Variants in INVS observed in about 807,000 individuals in gnomAD.
INVS encodes inversin.
Under a neutral mutation model 108.8 loss-of-function variants are expected in INVS, and 86 were observed. That is an observed-to-expected ratio of 0.79 (90% CI 0.66 to 0.95). The LOEUF (loss-of-function observed/expected upper bound fraction) is 0.95, where lower values mean the gene tolerates loss of function less well. INVS is among the 40% of genes least tolerant of loss of function. INVS has a pLI of 0.00. For missense variants in INVS, 1,169 were observed against 1,297.4 expected, an observed-to-expected ratio of 0.90 and a Z score of 1.52; for synonymous variants, 455 against 473.5, an observed-to-expected ratio of 0.96 and a Z score of 0.51.
At chr9:100,280,278 A>G (rs1449361096) in intron 12 of INVS, among the ~76,000 whole-genome samples, 3 of 152,144 alleles carry the variant, frequency 2.0e-5, no homozygotes, top group Non-Finnish European at 2.9e-5. Flanking sequence ...CCCCAGTCCC[A>G]TCAGCTGATA....
intron 16 of INVS, 44 bp downstream of exon 16, chr9:100,298,054 G>A: frequency 6.2e-7 from 1 of 1,613,918 alleles, no homozygotes; most frequent in Non-Finnish European, 8.5e-7. Flanking sequence ...AGAACATGGG[G>A]AAGCATTTTC....
chr9:100,123,736 A>AT (rs1487225533), intron 2 of INVS, among the ~76,000 whole-genome samples: 1 of 152,160 alleles, frequency 6.6e-6, no homozygotes, highest in Non-Finnish European at 1.5e-5. Context: ...GTATATGAGG[A>AT]TTTTGATTTC....
At position 100,292,624 on chromosome 9, in the gene INVS, C is replaced by A. The variant is rs761619797; in HGVS notation, c.2367C>A (p.Ala789=). The A allele has an allele frequency of 3.7e-6, 6 of 1,614,026 alleles. No homozygotes were observed. The African/African-American group carries it at 6.7e-5, about 18-fold the overall frequency. The change falls in exon 14 of 17, where the codon GCC becomes GCA. Residue 789 remains alanine (A), a synonymous_variant. Coordinates refer to ENST00000262457, the MANE Select transcript of INVS (RefSeq NM_014425.5). ...RHDTEPKAKC[A]PQKRRTQELR... is the part of the protein sequence containing the mutation. ...ACACAGAACCCAAGGCCAAATGTGCCCCCCAGAAAAGGCGCACTCAAGAGC... is the reference window on the plus strand; with the variant it reads ...ACACAGAACCCAAGGCCAAATGTGCACCCCAGAAAAGGCGCACTCAAGAGC...
At chr9:100,163,186 A>ATTTTT (rs556149756) in intron 3 of INVS, among the ~76,000 whole-genome samples, 3 of 131,826 alleles carry the variant, frequency 2.3e-5, no homozygotes, top group Non-Finnish European at 3.2e-5. Context: ...TGTTCTTTCT[A>ATTTTT]TTTTTTTTTT....
intron 10 of INVS, among the ~76,000 whole-genome samples, chr9:100,253,745 CATCT>C (rs1345317332): frequency 1.3e-5 from 2 of 152,132 alleles, no homozygotes; most frequent in Non-Finnish European, 2.9e-5. Flanking sequence ...GACATGAACT[CATCT>C]TTTTTTTGTG....
rs550014816 is a variant in INVS at position 100,161,980 on chromosome 9, A to G, written c.273+35431A>G. On this transcript the variant is annotated intron_variant, in intron 3 of 16. Coordinates refer to ENST00000262457, the MANE Select transcript of INVS (RefSeq NM_014425.5). ...AACTAAAACCTCCAGAGTAATAAACAGTTAGACTTCCTGCAAGGAGCATCT... is the reference window on the plus strand; with the variant it reads ...AACTAAAACCTCCAGAGTAATAAACGGTTAGACTTCCTGCAAGGAGCATCT... 2.5e-4 allele frequency among the ~76,000 whole-genome samples: 38 copies of G among 152,330 alleles called. No homozygotes were observed. The South Asian group carries it at 7.9e-3, about 32-fold the overall frequency.
intron 14 of INVS, among the ~76,000 whole-genome samples, chr9:100,294,071 G>A (rs1022782497): frequency 3.3e-5 from 5 of 152,194 alleles, no homozygotes; most frequent in African/African-American, 1.2e-4. Context: ...GTGAGGCTGA[G>A]GCAGGAGGAT....
intron 8 of INVS, among the ~76,000 whole-genome samples, chr9:100,249,418 A>T (rs974564808): frequency 6.6e-6 from 1 of 152,176 alleles, no homozygotes; most frequent in Admixed American, 6.5e-5. Context: ...TAAAAAATAA[A>T]ATTTCAATTA....
rs1005570477 is a variant in INVS, at chr9:100,300,730, A to C, written c.*56A>C. On this transcript the variant is annotated 3_prime_UTR_variant, in exon 17 of 17. Coordinates refer to ENST00000262457, the MANE Select transcript of INVS (RefSeq NM_014425.5). ...AGCTGGCATAGCTAGTGCAGAGTTCAGATTTTCTGCTGATAATCTTTTACA... is the reference window on the plus strand; with the variant it reads ...AGCTGGCATAGCTAGTGCAGAGTTCCGATTTTCTGCTGATAATCTTTTACA... 8.2e-7 allele frequency: 1 copy of C among 1,212,144 alleles called. No homozygotes were observed. Among genetic ancestry groups the C allele is most frequent in the South Asian group, 1.2e-5 (1 of 81,936 alleles). The allele number at this position is 1,212,144 out of a possible 1,614,324, so 75.1% of individuals were successfully genotyped here.
chr9:100,290,334 T>A (rs1588148868), intron 13 of INVS, among the ~76,000 whole-genome samples: 1 of 152,316 alleles, frequency 6.6e-6, no homozygotes, highest in South Asian at 2.1e-4. Context: ...CAGATATAGG[T>A]ATATTTTCTT....
rs150283278 is a variant in INVS, at chr9:100,203,941, C to G, written c.274-22121C>G. On this transcript the variant is annotated intron_variant, in intron 3 of 16. Transcript: ENST00000262457. ...TCTGAGAAGTTGCACAGTGAAGAAACCCATTAATTTTTTAAGTCCAAAATT... is the reference window on the plus strand; with the variant it reads ...TCTGAGAAGTTGCACAGTGAAGAAAGCCATTAATTTTTTAAGTCCAAAATT... Among the ~76,000 whole-genome samples the G allele has an allele frequency of 7.9e-5, 12 of 152,208 alleles. No homozygotes were observed. The East Asian group carries it at 2.3e-3, about 29-fold the overall frequency.
intron 10 of INVS, among the ~76,000 whole-genome samples, chr9:100,261,895 A>G (rs1236261147): frequency 6.6e-6 from 1 of 152,194 alleles, no homozygotes; most frequent in African/African-American, 2.4e-5. Context: ...ATTGAGTAAG[A>G]TGTTGCTATA....
chr9:100,263,854 A>G (rs898210740), intron 10 of INVS, among the ~76,000 whole-genome samples: 1 of 152,094 alleles, frequency 6.6e-6, no homozygotes, highest in Admixed American at 6.6e-5. Flanking sequence ...ATTTATATAT[A>G]TATCACTTAG....
At chr9:100,156,759 T>A (rs1828999923) in intron 3 of INVS, among the ~76,000 whole-genome samples, 1 of 152,126 alleles carries the variant, frequency 6.6e-6, no homozygotes, top group African/African-American at 2.4e-5. Context: ...TGTTTCCTTG[T>A]TGCCTCTTTT....
At chr9:100,269,981 C>T (rs1301277215) in intron 11 of INVS, among the ~76,000 whole-genome samples, 1 of 152,168 alleles carries the variant, frequency 6.6e-6, no homozygotes, top group Non-Finnish European at 1.5e-5. Flanking sequence ...ATTTTCTCCT[C>T]ATGCCAAGTC....
chr9:100,300,473 T>C, intron 16 of INVS, 95 bp from the exon 17 acceptor site: 1 of 863,630 alleles, frequency 1.2e-6, no homozygotes, highest in East Asian at 2.6e-5. Flanking sequence ...AGGGATAGCC[T>C]AAACCGAAAT....
At chr9:100,106,518 G>T (rs1827187723) in intron 2 of INVS, among the ~76,000 whole-genome samples, 2 of 152,146 alleles carry the variant, frequency 1.3e-5, no homozygotes. Context: ...CTACAACCAT[G>T]ACTTGAATAA....
At chr9:100,260,775 A>G (rs1445594112) in intron 10 of INVS, among the ~76,000 whole-genome samples, 1 of 152,222 alleles carries the variant, frequency 6.6e-6, no homozygotes, top group Non-Finnish European at 1.5e-5. Flanking sequence ...CTATGCTCTT[A>G]ACCCAAATAT....
chr9:100,278,064 G>T (rs921114826), intron 12 of INVS, among the ~76,000 whole-genome samples: 3 of 151,724 alleles, frequency 2.0e-5, no homozygotes, highest in Admixed American at 6.6e-5. Flanking sequence ...GTGAGACCAC[G>T]TCTCTACAAA....
Sources: gnomAD v4.1 joint callset for allele counts (sites outside exome capture counted in the v4.1 genomes callset) on GRCh38, gnomAD v4.1.1 for gene constraint, MANE v1.5 for transcripts, NCBI Gene and HGNC (gene_info 2026-07-23, HGNC 2026-07-21) for gene names.